Variants in REC114 observed in about 807,000 individuals in gnomAD.
REC114 encodes meiotic recombination protein REC114.
Under a neutral mutation model 31.3 loss-of-function variants are expected in REC114, and 27 were observed. That is an observed-to-expected ratio of 0.86 (90% confidence interval 0.64 to 1.19). The LOEUF is 1.19. Among genes scored for constraint, REC114 ranks in the 50% most tolerant of loss-of-function variants. REC114 has a pLI of 0.00. For synonymous variants in REC114, 134 were observed against 127.7 expected (o/e 1.05, Z -0.33); for missense variants, 344 against 326.9 (o/e 1.05, Z -0.40).
intron 2 of REC114, among the ~76,000 whole-genome samples, chr15:73,508,180 CTGTT>C (rs987553910): frequency 1.4e-4 from 21 of 151,960 alleles, no homozygotes; most frequent in African/African-American, 4.4e-4. Context: ...CATCTGGCGT[CTGTT>C]TGTTGAATGA....
chr15:73,491,287 T>TTTTTTGTATTATC (rs1567868913), intron 2 of REC114, among the ~76,000 whole-genome samples: 42 of 152,008 alleles, frequency 2.8e-4, no homozygotes, highest in African/African-American at 6.3e-4. Flanking sequence ...ATTATCTTAA[T>TTTTTTGTATTATC]TTTGTGTATT....
intron 2 of REC114, among the ~76,000 whole-genome samples, chr15:73,508,607 A>G (rs1397380707): frequency 1.2e-5 from 1 of 83,214 alleles, no homozygotes; most frequent in Non-Finnish European, 2.2e-5. Flanking sequence ...CCCCCACCCC[A>G]CAACAGTCCC....
chr15:73,460,271 G>A (rs1416494686), intron 1 of REC114, among the ~76,000 whole-genome samples: 8 of 152,078 alleles, frequency 5.3e-5, no homozygotes, highest in Non-Finnish European at 1.0e-4. Flanking sequence ...TCAGCTTAGT[G>A]GTTTAAGGAG....
chr15:73,551,046 G>C lies in REC114; in HGVS notation c.442G>C (p.Val148Leu), dbSNP rs12102004. The C allele has an allele frequency of 6.2e-7, 1 of 1,613,718 alleles. No homozygotes were observed. Among genetic ancestry groups the C allele is most frequent in the South Asian group, 1.1e-5 (1 of 91,078 alleles). ...QKLAQYITVQ[V>L]PDGNIQELQL... ...GCTGGCACAATACATAACCGTGCAG[G>C]TGCCTGATGGAAACATCCAGGAGCT... The change falls in exon 4 of 6, where the codon GTG (valine) becomes CTG (leucine). Residue 148 changes from valine (V) to leucine (L), a missense_variant. Transcript: ENST00000331090.
chr15:73,489,842 C>T (rs1270170044), intron 2 of REC114, among the ~76,000 whole-genome samples: 4 of 152,086 alleles, frequency 2.6e-5, no homozygotes. Context: ...CAAACTCTAA[C>T]AACAGTGGTG....
intron 2 of REC114, among the ~76,000 whole-genome samples, chr15:73,474,291 AC>A (rs1426662278): frequency 6.6e-6 from 1 of 152,216 alleles, no homozygotes; most frequent in Non-Finnish European, 1.5e-5. Flanking sequence ...AATAAAGAAA[AC>A]AAAAAGGTGT....
intron 2 of REC114, among the ~76,000 whole-genome samples, chr15:73,502,117 T>C (rs373748274): frequency 6.7e-6 from 1 of 150,188 alleles, no homozygotes; most frequent in Non-Finnish European, 1.5e-5. Flanking sequence ...ACCACGCCAC[T>C]GCACTCCAGC....
chr15:73,451,279 T>TA (rs1246177023), intron 1 of REC114, among the ~76,000 whole-genome samples: 3 of 151,986 alleles, frequency 2.0e-5, no homozygotes, highest in South Asian at 2.1e-4. Context: ...ATAGATGCAA[T>TA]AAAAAATGAT....
intron 4 of REC114, among the ~76,000 whole-genome samples, chr15:73,551,478 C>T (rs1894392228): frequency 6.6e-6 from 1 of 151,944 alleles, no homozygotes; most frequent in Non-Finnish European, 1.5e-5. Flanking sequence ...TATCACTTGC[C>T]TTTTTCACTG....
intron 1 of REC114, among the ~76,000 whole-genome samples, chr15:73,465,467 T>G (rs1268961708): frequency 6.6e-6 from 1 of 152,248 alleles, no homozygotes; most frequent in African/African-American, 2.4e-5. Flanking sequence ...CCTCACCTTC[T>G]CAGATGCCTA....
chr15:73,485,985 C>T (rs767316553), intron 2 of REC114, among the ~76,000 whole-genome samples: 23 of 152,176 alleles, frequency 1.5e-4, no homozygotes, highest in African/African-American at 4.1e-4. Context: ...TACTGTTCTA[C>T]GTTTATACTG....
At chr15:73,527,117 G>A (rs969033950) in intron 2 of REC114, among the ~76,000 whole-genome samples, 1 of 152,030 alleles carries the variant, frequency 6.6e-6, no homozygotes, top group Non-Finnish European at 1.5e-5. Context: ...TGGCCCTCAT[G>A]TATGTTTTCT....
intron 2 of REC114, among the ~76,000 whole-genome samples, chr15:73,506,695 A>AT (rs1227651945): frequency 1.3e-5 from 2 of 152,226 alleles, no homozygotes; most frequent in Non-Finnish European, 2.9e-5. Flanking sequence ...ATAAGTGTAA[A>AT]TGAATGAGTT....
chr15:73,457,798 G>GA (rs1466177211), intron 1 of REC114, among the ~76,000 whole-genome samples: 1 of 152,168 alleles, frequency 6.6e-6, no homozygotes, highest in East Asian at 1.9e-4. Flanking sequence ...GTTCCACTTT[G>GA]TTTTTCTACT....
chr15:73,536,330 G>C (rs972451439), intron 2 of REC114, among the ~76,000 whole-genome samples: 3 of 152,098 alleles, frequency 2.0e-5, no homozygotes, highest in African/African-American at 7.2e-5. Flanking sequence ...TCTTGACCTG[G>C]TGGGGGAACA....
chr15:73,510,310 T>C (rs1452893799), intron 2 of REC114, among the ~76,000 whole-genome samples: 2 of 152,238 alleles, frequency 1.3e-5, no homozygotes, highest in African/African-American at 4.8e-5. Context: ...GAGACTTTGC[T>C]GAAGTTGCTT....
chr15:73,447,553 C>A (rs938801280), intron 1 of REC114, among the ~76,000 whole-genome samples: 4 of 151,856 alleles, frequency 2.6e-5, no homozygotes, highest in Non-Finnish European at 5.9e-5. Flanking sequence ...GAGGCTGAGG[C>A]AGGAGAATCC....
intron 1 of REC114, among the ~76,000 whole-genome samples, chr15:73,449,871 A>G (rs1382880758): frequency 6.6e-6 from 1 of 152,224 alleles, no homozygotes. Context: ...AGAATTTTCA[A>G]TCCAGAATTT....
intron 2 of REC114, among the ~76,000 whole-genome samples, chr15:73,525,145 A>G (rs1022804025): frequency 1.3e-5 from 2 of 152,130 alleles, no homozygotes; most frequent in Non-Finnish European, 2.9e-5. Context: ...GACTTGCTGG[A>G]GGGCCAAAGT....
Sources: gnomAD v4.1 joint callset for allele counts (sites outside exome capture counted in the v4.1 genomes callset) on GRCh38, gnomAD v4.1.1 for gene constraint, MANE v1.5 for transcripts, NCBI Gene and HGNC (gene_info 2026-07-23, HGNC 2026-07-21) for gene names.